The following CHFR variants were observed in gnomAD, a reference collection of about 807,000 sequenced individuals.
CHFR encodes the protein checkpoint with forkhead and ring finger domains, also known as E3 ubiquitin-protein ligase CHFR.
In CHFR, 57 loss-of-function variants were observed where a neutral mutation model predicts 87.6. The ratio of observed to expected loss-of-function variants is 0.65; its 90% CI spans 0.53 to 0.81. The LOEUF (loss-of-function observed/expected upper bound fraction) is 0.81. CHFR is among the 30% of genes least tolerant of loss of function. The pLI, the probability that CHFR is intolerant of heterozygous loss-of-function variation, is 0.00. For synonymous variants in CHFR, 381 were observed against 359.2 expected (o/e 1.06, Z -0.69); for missense variants, 797 against 865.8 (o/e 0.92, Z 1.00).
At position 132,853,595 on chromosome 12, in the gene CHFR, A is replaced by G. The variant is rs375336559; in HGVS notation, c.1230-22T>C. ...CTGGCTGCAAGGAAGCACAGGGCCG[A>G]GCTGTGTGCAGGCCCCAAGCCTCTC... is the stretch of plus-strand genomic sequence containing the variant. On this transcript the variant is annotated intron_variant, in intron 10 of 17. Coordinates refer to ENST00000450056, the MANE Select transcript of CHFR (RefSeq NM_001161346.2). The G allele has an allele frequency of 2.0e-6, 3 of 1,518,050 alleles. No homozygotes were observed. The African/African-American group carries it at 4.2e-5, about 21-fold the overall frequency. 94.0% of individuals were successfully genotyped at this position (1,518,050 alleles called of 1,614,324 possible). A position where few individuals can be genotyped will look rare whatever the true frequency, so the allele number is the denominator to read the frequency against.
intron 2 of CHFR, among the ~76,000 whole-genome samples, chr12:132,878,983 ATTTGTTTTTTTTTTTGTTTTTG>A (rs1045580403): frequency 2.7e-5 from 4 of 148,660 alleles, no homozygotes; most frequent in African/African-American, 9.9e-5. Flanking sequence ...TGTGATAGGC[ATTTGTTTTTTTTTTTGTTTTTG>A]TTTGTTTTTT....
At chr12:132,883,491 C>T (rs1951815925) in intron 2 of CHFR, among the ~76,000 whole-genome samples, 1 of 151,110 alleles carries the variant, frequency 6.6e-6, no homozygotes, top group Admixed American at 6.6e-5. Flanking sequence ...TTTGGGAGGC[C>T]GAGGCGGGTG....
At chr12:132,856,911 C>A (rs1951085130) in intron 9 of CHFR, among the ~76,000 whole-genome samples, 1 of 147,660 alleles carries the variant, frequency 6.8e-6, no homozygotes, top group Non-Finnish European at 1.5e-5. Context: ...GAGGGACCGC[C>A]CTCACTTGTC....
intron 8 of CHFR, among the ~76,000 whole-genome samples, chr12:132,858,361 A>AAAAAAC (rs1221048549): frequency 1.3e-5 from 2 of 151,802 alleles, no homozygotes; most frequent in Non-Finnish European, 2.9e-5. Context: ...CTCTAACTCC[A>AAAAAAC]AAAAACAAAA....
At chr12:132,852,430 G>T (rs187057600) in intron 11 of CHFR, among the ~76,000 whole-genome samples, 1 of 141,988 alleles carries the variant, frequency 7.0e-6, no homozygotes, top group South Asian at 2.4e-4. Context: ...GGACAGCCAC[G>T]GTGCACAAGA....
At chr12:132,874,368 A>G (rs1450804108) in intron 3 of CHFR, among the ~76,000 whole-genome samples, 1 of 151,370 alleles carries the variant, frequency 6.6e-6, no homozygotes, top group Admixed American at 6.6e-5. Flanking sequence ...ACCAGCATTC[A>G]GCGCAAGGAA....
intron 2 of CHFR, among the ~76,000 whole-genome samples, chr12:132,884,186 A>G (rs1451515455): frequency 6.6e-6 from 1 of 151,846 alleles, no homozygotes; most frequent in African/African-American, 2.4e-5. Context: ...TGGGAAGCCG[A>G]GGCGGGTGGA....
At chr12:132,875,683 C>T (rs1046609593) in intron 3 of CHFR, among the ~76,000 whole-genome samples, 23 of 152,108 alleles carry the variant, frequency 1.5e-4, no homozygotes, top group African/African-American at 5.1e-4. Context: ...ACTTCCCTTC[C>T]GAGAAATCAT....
chr12:132,877,234 A>G (rs987360943), intron 3 of CHFR, among the ~76,000 whole-genome samples: 2 of 152,204 alleles, frequency 1.3e-5, no homozygotes, highest in African/African-American at 2.4e-5. Flanking sequence ...CATTCAGTAC[A>G]GTAGCACGCT....
At chr12:132,846,266 T>C (rs1327724602) in intron 15 of CHFR, among the ~76,000 whole-genome samples, 1 of 52,332 alleles carries the variant, frequency 1.9e-5, no homozygotes, top group African/African-American at 4.4e-5. Context: ...TAACTGTCTT[T>C]TTTTTTTTTT....
At chr12:132,870,151 G>C (rs970895265) in intron 5 of CHFR, among the ~76,000 whole-genome samples, 4 of 152,122 alleles carry the variant, frequency 2.6e-5, no homozygotes, top group Non-Finnish European at 4.4e-5. Flanking sequence ...AGGAGATCGA[G>C]GCCAACCTGG....
chr12:132,874,227 C>A (rs1239241621), intron 3 of CHFR, among the ~76,000 whole-genome samples: 2 of 152,272 alleles, frequency 1.3e-5, no homozygotes, highest in African/African-American at 4.8e-5. Context: ...TGGTAAATTA[C>A]AATAGCCATA....
At chr12:132,883,895 T>C (rs1319406882) in intron 2 of CHFR, among the ~76,000 whole-genome samples, 4 of 152,184 alleles carry the variant, frequency 2.6e-5, no homozygotes, top group Non-Finnish European at 4.4e-5. Context: ...GGTGGATCAT[T>C]TGATTTGAGG....
chr12:132,871,278 C>T (rs1013406154), intron 4 of CHFR, among the ~76,000 whole-genome samples: 2 of 151,856 alleles, frequency 1.3e-5, no homozygotes, highest in African/African-American at 4.8e-5. Flanking sequence ...ACGGCGAAAC[C>T]CTGTCTGTAC....
chr12:132,853,299 G>A (rs1320431767), intron 11 of CHFR, 132 bp downstream of exon 11: 6 of 974,292 alleles, frequency 6.2e-6, no homozygotes, highest in Non-Finnish European at 8.4e-6. Flanking sequence ...GGAGACCAAT[G>A]AGGCCAGGGC....
intron 12 of CHFR, among the ~76,000 whole-genome samples, chr12:132,851,148 G>C (rs891373934): frequency 1.1e-4 from 17 of 151,908 alleles, no homozygotes; most frequent in Admixed American, 1.1e-3. Context: ...ACACCATCAT[G>C]TCTGGCTAAT....
At chr12:132,886,558 G>A (rs1281597005) in intron 2 of CHFR, among the ~76,000 whole-genome samples, 1 of 152,136 alleles carries the variant, frequency 6.6e-6, no homozygotes, top group East Asian at 1.9e-4. Context: ...ATGGTCACTT[G>A]GGAGACTGGA....
At chr12:132,870,839 T>C in intron 4 of CHFR, 56 bp from the exon 5 acceptor site, 1 of 1,073,208 alleles carries the variant, frequency 9.3e-7, no homozygotes, top group Non-Finnish European at 1.4e-6. Context: ...AACTGAGAAC[T>C]CATTTTTCTC....
rs1380071233 is a variant in CHFR at position 132,833,551 on chromosome 12, G to C, written c.*8003C>G. 1 of 152,314 alleles carries C rather than the reference G, an allele frequency of 6.6e-6. No homozygotes were observed. The highest frequency in any genetic ancestry group is 1.5e-5 in the Non-Finnish European group (1 of 68,090). 9.4% of individuals were successfully genotyped at this position (152,314 alleles called of 1,614,324 possible). A position where few individuals can be genotyped will look rare whatever the true frequency, so the allele number is the denominator to read the frequency against. The stretch of plus-strand genomic sequence containing the variant: ...AGAAACGGAGTTGCTGGGCGTGGCG[G>C]CTTACGCCTGGAATCCCAGCACTGT... On this transcript the variant is annotated 3_prime_UTR_variant, in exon 18 of 18. Coordinates refer to ENST00000450056, the MANE Select transcript of CHFR (RefSeq NM_001161346.2).
Sources: allele counts gnomAD v4.1 joint callset (sites outside exome capture counted in the v4.1 genomes callset), GRCh38; gene constraint gnomAD v4.1.1; transcripts MANE v1.5; gene names NCBI Gene and HGNC (gene_info 2026-07-23, HGNC 2026-07-21).